ADCY2: variants seen among roughly 807,000 people sequenced by gnomAD.
ADCY2 encodes the protein adenylate cyclase 2, also known as adenylate cyclase type 2.
Under a neutral mutation model 125.2 loss-of-function variants are expected in ADCY2, and 31 were observed. The observed-to-expected ratio is 0.25, with a 90% CI of 0.19 to 0.33. The LOEUF (loss-of-function observed/expected upper bound fraction) is 0.33. ADCY2 is among the 10% of genes least tolerant of loss of function. ADCY2 has a pLI of 1.00. For synonymous variants in ADCY2, 512 were observed against 548.4 expected (o/e 0.93, Z 0.93); for missense variants, 904 against 1,418.2 (o/e 0.64, Z 5.82).
In ADCY2 at chr5:7,788,718, T is replaced by A. The variant is rs1438225197; in HGVS notation, c.2470-924T>A. Among the ~76,000 whole-genome samples, 3 of 152,330 alleles carry A rather than the reference T, an allele frequency of 2.0e-5. No homozygotes were observed. In the East Asian group the frequency reaches 5.8e-4, roughly 29 times the overall value. ...TCTGTGTGCATGTGTGTGTGTTTTGTGTTACTTTGTACTGTCATTGGTAGA... is the reference window on the plus strand; with the variant it reads ...TCTGTGTGCATGTGTGTGTGTTTTGAGTTACTTTGTACTGTCATTGGTAGA... On this transcript the variant is annotated intron_variant, in intron 19 of 24. Transcript: ENST00000338316.
intron 2 of ADCY2, among the ~76,000 whole-genome samples, chr5:7,432,495 T>C (rs1740640836): frequency 6.6e-6 from 1 of 152,128 alleles, no homozygotes; most frequent in Non-Finnish European, 1.5e-5. Flanking sequence ...CCAAAAGCAT[T>C]CACCCTGGCT....
chr5:7,816,770 A>G, intron 22 of ADCY2, 96 bp from the exon 23 acceptor site: 1 of 922,970 alleles, frequency 1.1e-6, no homozygotes, highest in Non-Finnish European at 1.8e-6. Context: ...ATTTGCCTGC[A>G]TTCCTTTCTG....
chr5:7,772,908 G>T, intron 17 of ADCY2, 24 bp from the exon 18 acceptor site: 1 of 1,610,734 alleles, frequency 6.2e-7, no homozygotes, highest in Non-Finnish European at 8.5e-7. Flanking sequence ...CTAAGTATCT[G>T]TCTGGTGTCC....
chr5:7,405,200 G>T (rs957982496), intron 1 of ADCY2, among the ~76,000 whole-genome samples: 3 of 152,062 alleles, frequency 2.0e-5, no homozygotes, highest in African/African-American at 7.2e-5. Context: ...CATCTGCTAT[G>T]TTACCTTACA....
rs566396240 is a variant in ADCY2, at chr5:7,822,810, T to C, written c.3123+2121T>C. ...GTGGATTCACGTTTCACCCCCGTTA[T>C]GTTACATTCTGGAAAATGAATTTCT... On this transcript the variant is annotated intron_variant, in intron 24 of 24. Coordinates refer to ENST00000338316, the MANE Select transcript of ADCY2 (RefSeq NM_020546.3). Among the ~76,000 whole-genome samples, 6 of 152,334 alleles carry C rather than the reference T, an allele frequency of 3.9e-5. No individual in the cohort carries two copies. In the East Asian group the frequency reaches 9.6e-4, roughly 24 times the overall value.
chr5:7,657,049 G>A (rs756691432), intron 4 of ADCY2, among the ~76,000 whole-genome samples: 2 of 152,202 alleles, frequency 1.3e-5, no homozygotes, highest in Non-Finnish European at 2.9e-5. Flanking sequence ...AATTGTTTTT[G>A]GGCTATGTGT....
intron 2 of ADCY2, among the ~76,000 whole-genome samples, chr5:7,469,106 C>T (rs1045704706): frequency 2.0e-5 from 3 of 151,858 alleles, no homozygotes; most frequent in South Asian, 4.1e-4. Context: ...AAGTAGCATT[C>T]ATTTATTTCT....
intron 2 of ADCY2, among the ~76,000 whole-genome samples, chr5:7,469,594 T>C (rs1321327566): frequency 2.0e-5 from 3 of 150,360 alleles, no homozygotes; most frequent in Non-Finnish European, 4.4e-5. Flanking sequence ...AGCTTGCACA[T>C]TTTTTTTAAG....
chr5:7,629,744 T>A (rs143171193), intron 4 of ADCY2, among the ~76,000 whole-genome samples: 150 of 152,308 alleles, frequency 9.8e-4, no homozygotes, highest in African/African-American at 3.5e-3. Context: ...GAGCACCGTG[T>A]AGTGTGGCAG....
At chr5:7,512,536 A>T (rs1744106726) in intron 2 of ADCY2, among the ~76,000 whole-genome samples, 2 of 152,140 alleles carry the variant, frequency 1.3e-5, no homozygotes, top group Non-Finnish European at 2.9e-5. Flanking sequence ...TTATTAAATG[A>T]GATGGGAGAG....
intron 20 of ADCY2, chr5:7,799,315 A>G (rs80337192): frequency 0.016 from 2,418 of 152,414 alleles, 68 homozygotes; most frequent in African/African-American, 0.055. Flanking sequence ...CCCACACCCA[A>G]TGCAACCACA....
At chr5:7,673,864 A>G (rs1579302140) in intron 4 of ADCY2, among the ~76,000 whole-genome samples, 2 of 152,082 alleles carry the variant, frequency 1.3e-5, no homozygotes, top group Non-Finnish European at 2.9e-5. Context: ...TTTCCATTCT[A>G]TTTGAGGCAT....
chr5:7,628,361 A>G (rs898259453), intron 4 of ADCY2, among the ~76,000 whole-genome samples: 1 of 152,210 alleles, frequency 6.6e-6, no homozygotes, highest in Non-Finnish European at 1.5e-5. Context: ...AACAGCTTTG[A>G]TAAAAGCAGT....
chr5:7,708,796 A>C (rs1214863448), intron 9 of ADCY2, among the ~76,000 whole-genome samples: 1 of 152,168 alleles, frequency 6.6e-6, no homozygotes, highest in Non-Finnish European at 1.5e-5. Context: ...GGCTCAAAAA[A>C]TACATGTACA....
chr5:7,720,182 C>A (rs1274626607), intron 12 of ADCY2, among the ~76,000 whole-genome samples: 2 of 152,086 alleles, frequency 1.3e-5, no homozygotes, highest in Non-Finnish European at 2.9e-5. Context: ...TCTTCTCTCC[C>A]CTCCACTGAT....
Position 7,589,510 on chromosome 5 carries a change from GA to G in ADCY2, c.571-36653del, listed in dbSNP as rs1554022218. Among the ~76,000 whole-genome samples the G allele has an allele frequency of 3.0e-3, 260 of 87,928 alleles. 2 individuals carry two copies. Among genetic ancestry groups the G allele is most frequent in the Middle Eastern group, 5.7e-3 (1 of 176 alleles). 57.7% of individuals were successfully genotyped at this position (87,928 alleles called of 152,430 possible). A position where few individuals can be genotyped will look rare whatever the true frequency, so the allele number is the denominator to read the frequency against. On this transcript the variant is annotated intron_variant, in intron 3 of 24. Coordinates refer to ENST00000338316, the MANE Select transcript of ADCY2 (RefSeq NM_020546.3). ...AGAAAGAAAGAAAGAAAGAAAGAAA[GA>G]AAAGAAAAGAAAGAGAAAGAAAGAA... is the stretch of plus-strand genomic sequence containing the variant.
At chr5:7,542,234 CAT>C (rs1219029926) in intron 3 of ADCY2, among the ~76,000 whole-genome samples, 3 of 152,034 alleles carry the variant, frequency 2.0e-5, no homozygotes, top group African/African-American at 7.2e-5. Context: ...TCTCAGAACT[CAT>C]GTGTTGAAAG....
intron 16 of ADCY2, among the ~76,000 whole-genome samples, chr5:7,758,285 C>G (rs1048855881): frequency 5.3e-5 from 8 of 152,186 alleles, no homozygotes; most frequent in African/African-American, 1.9e-4. Context: ...CTATATCAGT[C>G]TCATCAGTGC....
intron 24 of ADCY2, among the ~76,000 whole-genome samples, chr5:7,825,929 G>A (rs968661056): frequency 2.0e-5 from 3 of 152,214 alleles, no homozygotes; most frequent in Admixed American, 6.5e-5. Context: ...CGACCTGCAG[G>A]GCCTGGACAT....
Sources: allele counts gnomAD v4.1 joint callset (sites outside exome capture counted in the v4.1 genomes callset), GRCh38; gene constraint gnomAD v4.1.1; transcripts MANE v1.5; gene names NCBI Gene and HGNC (gene_info 2026-07-23, HGNC 2026-07-21).